Variants in PDE1C observed in about 807,000 individuals in gnomAD.
PDE1C encodes dual specificity calcium/calmodulin-dependent 3',5'-cyclic nucleotide phosphodiesterase 1C.
In PDE1C, 62 loss-of-function variants were observed where a neutral mutation model predicts 93.1. The ratio of observed to expected loss-of-function variants is 0.67; its 90% CI spans 0.54 to 0.82. The LOEUF (loss-of-function observed/expected upper bound fraction) is 0.82, where lower values mean the gene tolerates loss of function less well. Ranked by LOEUF, PDE1C falls within the 40% of genes least tolerant of loss-of-function variation. PDE1C has a pLI of 0.00. For missense variants in PDE1C, 742 were observed against 884.6 expected (o/e 0.84, Z 2.04); for synonymous variants, 325 against 310.1 (o/e 1.05, Z -0.50).
intron 2 of PDE1C, among the ~76,000 whole-genome samples, chr7:31,950,291 T>C (rs1476494665): frequency 6.6e-6 from 1 of 152,184 alleles, no homozygotes; most frequent in African/African-American, 2.4e-5. Flanking sequence ...GGTGTTGACA[T>C]GAAAAGCAGA....
chr7:31,855,942 A>C (rs1314065112), intron 7 of PDE1C, among the ~76,000 whole-genome samples: 2 of 152,060 alleles, frequency 1.3e-5, no homozygotes, highest in Non-Finnish European at 2.9e-5. Flanking sequence ...ACATCTATTC[A>C]ATCAATAGAT....
intron 17 of PDE1C, among the ~76,000 whole-genome samples, chr7:31,754,878 A>C (rs1049957717): frequency 3.3e-5 from 5 of 152,228 alleles, no homozygotes; most frequent in African/African-American, 1.2e-4. Flanking sequence ...AATAATCCTT[A>C]ATGTATGCAA....
At chr7:32,232,093 G>A (rs1031695642) in intron 1 of PDE1C, among the ~76,000 whole-genome samples, 4 of 151,960 alleles carry the variant, frequency 2.6e-5, no homozygotes, top group African/African-American at 7.2e-5. Context: ...CAGAATGCAT[G>A]GAACACCTAT....
chr7:31,632,343 G>C, the PDE1C span, among the ~76,000 whole-genome samples: 2 of 152,162 alleles, frequency 1.3e-5, no homozygotes, highest in Non-Finnish European at 2.9e-5. Flanking sequence ...AGCTACTTGA[G>C]AGGCTGAAAC....
At chr7:31,974,546 C>G (rs747618101) in intron 2 of PDE1C, among the ~76,000 whole-genome samples, 1 of 151,738 alleles carries the variant, frequency 6.6e-6, no homozygotes, top group Non-Finnish European at 1.5e-5. Flanking sequence ...CTTTGAATGA[C>G]GTTTACCCTG....
the PDE1C span, among the ~76,000 whole-genome samples, chr7:31,727,135 A>T: frequency 5.3e-5 from 8 of 152,144 alleles, no homozygotes; most frequent in African/African-American, 1.9e-4. Context: ...TAGTCCTCAA[A>T]GCCCTTTCCA....
chr7:31,835,659 C>A (rs1790998738), intron 11 of PDE1C, among the ~76,000 whole-genome samples: 1 of 151,868 alleles, frequency 6.6e-6, no homozygotes, highest in African/African-American at 2.4e-5. Context: ...ATCCTTCCCT[C>A]CCCCCGCTCC....
intron 3 of PDE1C, among the ~76,000 whole-genome samples, chr7:32,146,818 A>G (rs1800865820): frequency 6.6e-6 from 1 of 152,226 alleles, no homozygotes. Context: ...ATAGAAATTA[A>G]GAAAGTCAGG....
chr7:32,416,917 T>C (rs79995298), intron 1 of PDE1C, among the ~76,000 whole-genome samples: 27,145 of 151,962 alleles, frequency 0.18, 5,179 homozygotes, highest in African/African-American at 0.48. Context: ...TTGGGAGAGA[T>C]CGAGGGGCAA....
At chr7:31,748,189 CT>C (rs1160817086), downstream of PDE1C, among the ~76,000 whole-genome samples, 18 of 152,222 alleles carry the variant, frequency 1.2e-4, no homozygotes, top group Non-Finnish European at 2.6e-4. Flanking sequence ...TCAGATTTCT[CT>C]TACTGTCATA....
chr7:32,112,585 T>C (rs1798702103), intron 3 of PDE1C, among the ~76,000 whole-genome samples: 1 of 150,428 alleles, frequency 6.6e-6, no homozygotes, highest in Non-Finnish European at 1.5e-5. Flanking sequence ...GCCTTACAAG[T>C]ACCTAGGACT....
intron 2 of PDE1C, among the ~76,000 whole-genome samples, chr7:31,924,628 T>C (rs1025615058): frequency 6.6e-6 from 1 of 152,202 alleles, no homozygotes; most frequent in South Asian, 2.1e-4. Context: ...AGCTGCTCCT[T>C]CCTTTTGGGA....
At chr7:31,621,994 A>G in the PDE1C span, among the ~76,000 whole-genome samples, 1 of 144,462 alleles carries the variant, frequency 6.9e-6, no homozygotes, top group East Asian at 2.0e-4. Context: ...AACAAAGATC[A>G]AAAGAGACAA....
At chr7:31,723,202 A>G in the PDE1C span, among the ~76,000 whole-genome samples, 3 of 152,298 alleles carry the variant, frequency 2.0e-5, no homozygotes, top group Admixed American at 2.0e-4. Context: ...TTCTTTTAAA[A>G]TTGTATTCTG....
chr7:32,348,562 A>G (rs1416258373), intron 1 of PDE1C, among the ~76,000 whole-genome samples: 4 of 151,778 alleles, frequency 2.6e-5, no homozygotes, highest in Non-Finnish European at 4.4e-5. Context: ...ACAGGGTTTC[A>G]CCATGTTAGC....
chr7:31,927,035 G>A (rs1224666399), intron 2 of PDE1C, among the ~76,000 whole-genome samples: 1 of 152,158 alleles, frequency 6.6e-6, no homozygotes, highest in Admixed American at 6.5e-5. Context: ...CCACTTCCAT[G>A]AAGCCCAGCA....
chr7:32,094,494 T>A (rs145293166), intron 3 of PDE1C, among the ~76,000 whole-genome samples: 2 of 152,208 alleles, frequency 1.3e-5, no homozygotes, highest in Admixed American at 1.3e-4. Context: ...AGTTCACATA[T>A]ATGATTTCAG....
intron 2 of PDE1C, among the ~76,000 whole-genome samples, chr7:31,967,674 C>G (rs758308737): frequency 6.6e-6 from 1 of 152,134 alleles, no homozygotes; most frequent in Admixed American, 6.5e-5. Flanking sequence ...AATTTTAGAC[C>G]AATATCCTTG....
chr7:32,040,732 A>G (rs1013057977), intron 2 of PDE1C, among the ~76,000 whole-genome samples: 3 of 152,192 alleles, frequency 2.0e-5, no homozygotes, highest in Admixed American at 6.5e-5. Context: ...CTTCCCGTAG[A>G]AAGATATTCT....
Sources: allele counts gnomAD v4.1 joint callset (sites outside exome capture counted in the v4.1 genomes callset), GRCh38; gene constraint gnomAD v4.1.1; transcripts MANE v1.5; gene names NCBI Gene and HGNC (gene_info 2026-07-23, HGNC 2026-07-21).